Variants in INAVA observed in about 807,000 individuals in gnomAD.
INAVA encodes innate immunity activator protein.
A neutral mutation model predicts 55.3 loss-of-function variants in INAVA; 32 were observed. The observed-to-expected ratio is 0.58, with a 90% CI of 0.44 to 0.78. The LOEUF is 0.78. INAVA is among the 30% of genes least tolerant of loss of function. The pLI is 0.00. For synonymous variants in INAVA, 294 were observed against 329.4 expected (o/e 0.89, Z 1.16); for missense variants, 756 against 786.4 (o/e 0.96, Z 0.46).
chr1:200,893,452 G>A (rs760195297), upstream of INAVA, among the ~76,000 whole-genome samples: 15 of 152,266 alleles, frequency 9.9e-5, no homozygotes, highest in Middle Eastern at 3.4e-3. Flanking sequence ...AGGAAGGGCC[G>A]CTTATGCCCA....
upstream of INAVA, chr1:200,891,574 C>T (rs1324794080): frequency 6.3e-7 from 1 of 1,596,320 alleles, no homozygotes; most frequent in Non-Finnish European, 8.5e-7. Context: ...TGAAATACCT[C>T]CGGGGAGGGC....
chr1:200,912,363 T>C (rs909888964), intron 9 of INAVA, among the ~76,000 whole-genome samples: 4 of 114,760 alleles, frequency 3.5e-5, no homozygotes, highest in African/African-American at 1.0e-4. Flanking sequence ...CATGTCTAGC[T>C]CAAGAGCATA....
intron 5 of INAVA, among the ~76,000 whole-genome samples, chr1:200,902,016 G>A (rs947953192): frequency 2.2e-4 from 33 of 152,052 alleles, no homozygotes; most frequent in Non-Finnish European, 2.1e-4. Context: ...AAACCCCACC[G>A]CAGCAGGCCC....
chr1:200,902,180 A>T (rs1653289446), intron 5 of INAVA, among the ~76,000 whole-genome samples: 1 of 152,218 alleles, frequency 6.6e-6, no homozygotes, highest in South Asian at 2.1e-4. Context: ...TCAGGCTCCC[A>T]TCCCTGCATA....
chr1:200,898,545 A>C (rs1282022595), intron 2 of INAVA, 90 bp downstream of exon 2: 9 of 1,427,756 alleles, frequency 6.3e-6, no homozygotes. Context: ...GCCCTCAGGC[A>C]CTAGGGCTGG....
chr1:200,905,726 C>T (rs1653459409), intron 5 of INAVA, among the ~76,000 whole-genome samples: 1 of 152,230 alleles, frequency 6.6e-6, no homozygotes, highest in Non-Finnish European at 1.5e-5. Context: ...AGCCGTGTTC[C>T]AATAAACATT....
In INAVA at chr1:200,898,330, C is replaced by T. The variant is rs773578610; in HGVS notation, c.-71C>T. 1.9e-6 allele frequency: 3 copies of T among 1,612,752 alleles called. No homozygotes were observed. The highest frequency in any genetic ancestry group is 4.5e-5 in the East Asian group (2 of 44,884). On this transcript the variant is annotated 5_prime_UTR_variant, in exon 2 of 10. Transcript: ENST00000413687. ...AGCTGGGGAAGCTCCAGGCTACCTA[C>T]ACAACCTGGCCCAGGCTGGTCACGG...
Position 200,911,871 on chromosome 1 carries a change from G to C in INAVA, c.1378G>C (p.Ala460Pro). Reference sequence around the variant, plus strand: ...GCTGCGCCGCGCAGCCCCGGGCCCTGCTTACGAGGAGGAGGGCACTCCCCT... The same window carrying C: ...GCTGCGCCGCGCAGCCCCGGGCCCTCCTTACGAGGAGGAGGGCACTCCCCT... The part of the protein sequence containing the change: ...WELRRAAPGP[A>P]YEEEGTPLRY... The change falls in exon 9 of 10, where the codon GCT becomes CCT. Residue 460 changes from alanine to proline, a missense_variant. This residue lies in a region of INAVA where 639 missense variants were observed against 624.3 expected (regional missense o/e 1.02). Coordinates refer to ENST00000413687, the MANE Select transcript of INAVA (RefSeq NM_001142569.3). The C allele has an allele frequency of 6.3e-7, 1 of 1,590,444 alleles. No individual in the cohort carries two copies. The highest frequency in any genetic ancestry group is 8.5e-7 in the Non-Finnish European group (1 of 1,174,972).
At chr1:200,905,479 A>T (rs1404316862) in intron 5 of INAVA, among the ~76,000 whole-genome samples, 1 of 152,156 alleles carries the variant, frequency 6.6e-6, no homozygotes, top group African/African-American at 2.4e-5. Context: ...TGAGCTCAGG[A>T]GGTCAAGGCT....
At chr1:200,900,049 T>A (rs1176945131) in intron 3 of INAVA, 55 bp from the exon 4 acceptor site, 1 of 1,479,476 alleles carries the variant, frequency 6.8e-7, no homozygotes, top group African/African-American at 1.4e-5. Flanking sequence ...CAGGGGCCAG[T>A]GAGCCAAGTC....
intron 5 of INAVA, among the ~76,000 whole-genome samples, chr1:200,907,163 C>T (rs1365760452): frequency 6.6e-6 from 1 of 152,042 alleles, no homozygotes; most frequent in East Asian, 1.9e-4. Flanking sequence ...CCAAAATGAC[C>T]CTTTGTCTTT....
At position 200,895,099 on chromosome 1, in the gene INAVA, G is replaced by C; in HGVS notation, c.-95+12G>C. On this transcript the variant is annotated intron_variant, in intron 1 of 9. Coordinates refer to ENST00000413687, the MANE Select transcript of INAVA (RefSeq NM_001142569.3). ...AAGCCCAGAAGCAGGTGAGGGCGGG[G>C]GAGGTGGAATGGGTCTTTGGGGCTG... 5.1e-6 allele frequency: 5 copies of C among 985,710 alleles called. No homozygotes were observed. The highest frequency in any genetic ancestry group is 6.0e-6 in the Non-Finnish European group (5 of 830,138). The allele number at this position is 985,710 out of a possible 1,614,324, so 61.1% of individuals were successfully genotyped here.
chr1:200,909,029 A>G, intron 7 of INAVA, 89 bp downstream of exon 7: 2 of 1,402,330 alleles, frequency 1.4e-6, no homozygotes, highest in South Asian at 2.8e-5. Flanking sequence ...GGGCAGATGG[A>G]AAAGTGGAAA....
In INAVA at chr1:200,911,032, A is replaced by T. The variant is rs556089568; in HGVS notation, c.960-421A>T. Among the ~76,000 whole-genome samples the T allele has an allele frequency of 3.0e-5, 4 of 135,484 alleles. No individual in the cohort carries two copies. In the East Asian group the frequency reaches 9.6e-4, roughly 33 times the overall value. 88.9% of individuals were successfully genotyped at this position (135,484 alleles called of 152,430 possible). On this transcript the variant is annotated intron_variant, in intron 8 of 9. Coordinates refer to ENST00000413687, the MANE Select transcript of INAVA (RefSeq NM_001142569.3). ...CTGAAAGTACTTAATGTAGTACTTT[A>T]AAAAAAGTAGTTAATGTAGTACTTT...
chr1:200,900,905 C>G (rs919643631), intron 4 of INAVA, 32 bp from the exon 5 acceptor site: 2 of 1,495,566 alleles, frequency 1.3e-6, no homozygotes, highest in African/African-American at 1.4e-5. Context: ...CTCCCTGCCT[C>G]TCTCTAGCCT....
rs748440263 is a variant in INAVA, at chr1:200,909,359, T to C, written c.921T>C (p.Pro307=). 10 of 1,608,726 alleles carry C rather than the reference T, an allele frequency of 6.2e-6. No individual in the cohort carries two copies. In the South Asian group the frequency reaches 6.6e-5, roughly 11 times the overall value. ...WQGRTSAPAT[P]EIQGRRGQSQ... is the part of the protein sequence containing the mutation. ...GCCGCACCAGTGCCCCAGCCACCCC[T>C]GAGATACAGGGGAGGAGGGGCCAGT... The change falls in exon 8 of 10, where the codon CCT becomes CCC. Residue 307 remains proline (P), a synonymous_variant. Coordinates refer to ENST00000413687, the MANE Select transcript of INAVA (RefSeq NM_001142569.3).
rs1039952175 is a variant in INAVA at position 200,907,753 on chromosome 1, G to C, written c.521-81G>C. On this transcript the variant is annotated intron_variant, in intron 5 of 9. Transcript: ENST00000413687. ...GTCCTGGGGGAGTGATCAGGCCTGA[G>C]CTGCTCAGCACTGCTGGTTACTCAT... The C allele has an allele frequency of 8.6e-6, 10 of 1,167,484 alleles. No individual in the cohort carries two copies. The African/African-American group carries it at 1.5e-4, about 18-fold the overall frequency. The allele number at this position is 1,167,484 out of a possible 1,614,324, so 72.3% of individuals were successfully genotyped here. A position where few individuals can be genotyped will look rare whatever the true frequency, so the allele number is the denominator to read the frequency against.
At chr1:200,892,984 G>C (rs1177095167), upstream of INAVA, among the ~76,000 whole-genome samples, 5 of 152,178 alleles carry the variant, frequency 3.3e-5, no homozygotes, top group Non-Finnish European at 7.3e-5. Flanking sequence ...ATTCTTAACT[G>C]GGTTCATTGG....
At chr1:200,907,660 T>TA (rs35342076) in intron 5 of INAVA, among the ~76,000 whole-genome samples, 174 bp from the exon 6 acceptor site, 1,691 of 145,420 alleles carry the variant, frequency 0.012, 18 homozygotes, top group African/African-American at 0.031. Flanking sequence ...CCCTGTCTCT[T>TA]AAAAAAAAAA....
Sources: gnomAD v4.1 joint callset for allele counts (sites outside exome capture counted in the v4.1 genomes callset) on GRCh38, gnomAD v4.1.1 for gene constraint, gnomAD v4.1.1 regional missense constraint, MANE v1.5 for transcripts, NCBI Gene and HGNC (gene_info 2026-07-23, HGNC 2026-07-21) for gene names.